Variants in KSR2 observed in about 807,000 individuals in gnomAD.
KSR2 encodes the protein kinase suppressor of ras 2.
A neutral mutation model predicts 107.8 loss-of-function variants in KSR2; 25 were observed. The ratio of observed to expected loss-of-function variants is 0.23; its 90% confidence interval spans 0.17 to 0.32. The LOEUF (loss-of-function observed/expected upper bound fraction) is 0.32. Ranked by LOEUF, KSR2 falls within the 10% of genes least tolerant of loss-of-function variation. The pLI, the probability that KSR2 is intolerant of heterozygous loss-of-function variation, is 1.00. For missense variants in KSR2, 887 were observed against 1,268.9 expected, an observed-to-expected ratio of 0.70 and a Z score of 4.57; for synonymous variants, 480 against 507.0, an observed-to-expected ratio of 0.95 and a Z score of 0.71.
At chr12:117,872,024 G>A (rs1315682532) in intron 1 of KSR2, among the ~76,000 whole-genome samples, 1 of 152,090 alleles carries the variant, frequency 6.6e-6, no homozygotes, top group East Asian at 1.9e-4. Flanking sequence ...TCAGACATTT[G>A]CCAATCATAA....
chr12:117,793,593 ACATACACCAACATGCACACT>A (rs1048279346), intron 3 of KSR2, among the ~76,000 whole-genome samples: 3 of 144,082 alleles, frequency 2.1e-5, no homozygotes, highest in African/African-American at 8.3e-5. Context: ...CAATATGCAC[ACATACACCAACATGCACACT>A]CACACCAACA....
intron 5 of KSR2, among the ~76,000 whole-genome samples, chr12:117,652,343 C>T (rs1446224807): frequency 1.3e-5 from 2 of 152,182 alleles, no homozygotes; most frequent in Non-Finnish European, 2.9e-5. Context: ...AAAAAGAATA[C>T]TCTGACTCAT....
chr12:117,967,672 T>C (rs865922961), intron 1 of KSR2, among the ~76,000 whole-genome samples: 29 of 152,110 alleles, frequency 1.9e-4, no homozygotes, highest in African/African-American at 6.5e-4. Context: ...ACGTGGGTTC[T>C]CTGCAGCTCC....
intron 1 of KSR2, among the ~76,000 whole-genome samples, chr12:117,905,954 A>G (rs1894830497): frequency 6.6e-6 from 1 of 152,092 alleles, no homozygotes; most frequent in Admixed American, 6.6e-5. Flanking sequence ...CATACTAGTT[A>G]ATATTCATTC....
intron 3 of KSR2, among the ~76,000 whole-genome samples, chr12:117,834,569 A>C (rs1259776032): frequency 6.6e-6 from 1 of 152,196 alleles, no homozygotes; most frequent in Non-Finnish European, 1.5e-5. Context: ...GCAACAGGAG[A>C]AGCCCAAACA....
At chr12:117,589,013 A>C (rs548466861) in intron 5 of KSR2, among the ~76,000 whole-genome samples, 1 of 152,246 alleles carries the variant, frequency 6.6e-6, no homozygotes, top group African/African-American at 2.4e-5. Context: ...TAAGGAAAGT[A>C]AGGATAACTA....
At chr12:117,597,297 GA>G (rs1880704181) in intron 5 of KSR2, among the ~76,000 whole-genome samples, 1 of 152,154 alleles carries the variant, frequency 6.6e-6, no homozygotes, top group African/African-American at 2.4e-5. Flanking sequence ...AGGTTTGTGT[GA>G]AAGTAATGGC....
intron 1 of KSR2, among the ~76,000 whole-genome samples, chr12:117,909,105 C>G (rs1894941176): frequency 6.6e-6 from 1 of 152,126 alleles, no homozygotes; most frequent in African/African-American, 2.4e-5. Context: ...GGTCTTTGAA[C>G]TTCAGGGTCC....
intron 7 of KSR2, among the ~76,000 whole-genome samples, chr12:117,577,364 AGAG>A (rs1195440515): frequency 1.4e-5 from 2 of 142,644 alleles, no homozygotes; most frequent in African/African-American, 2.9e-5. Flanking sequence ...GGAGAGAGAG[AGAG>A]GGGGGGAGAG....
At chr12:117,797,852 T>TCTGGAAGTCTCACTGTCTTATAGACAGG (rs1890689581) in intron 3 of KSR2, among the ~76,000 whole-genome samples, 1 of 152,070 alleles carries the variant, frequency 6.6e-6, no homozygotes. Context: ...GGTCTCACTA[T>TCTGGAAGTCTCACTGTCTTATAGACAGG]GTTTCATAGT....
Position 117,714,862 on chromosome 12 carries a change from A to G in KSR2, c.986+46149T>C, listed in dbSNP as rs557579928. 2.6e-5 allele frequency among the ~76,000 whole-genome samples: 4 copies of G among 152,276 alleles called. No homozygotes were observed. The South Asian group carries it at 8.3e-4, about 32-fold the overall frequency. On this transcript the variant is annotated intron_variant, in intron 4 of 19. Transcript: ENST00000339824. ...CACAGGACAGCCACCACCACGAAAA[A>G]TTATGCAGCCCCAAATCTCAGCAGT...
In KSR2 at chr12:117,968,890, GCGCTGC is replaced by G. The variant is rs1896874622; in HGVS notation, c.-641_-636del. On this transcript the variant is annotated 5_prime_UTR_variant, in exon 1 of 20. Coordinates refer to ENST00000339824, the MANE Select transcript of KSR2 (RefSeq NM_173598.6). Reference sequence around the variant, plus strand: ...TGCGGCTGGCTGCTGTCTCCTCCCCGCGCTGCTGCTGCTGCTGCTGCTGCCGCCGCC... The same window carrying G: ...TGCGGCTGGCTGCTGTCTCCTCCCCGTGCTGCTGCTGCTGCTGCCGCCGCC... 7 of 249,866 alleles carry G rather than the reference GCGCTGC, an allele frequency of 2.8e-5. No individual in the cohort carries two copies. Among genetic ancestry groups the G allele is most frequent in the South Asian group, 7.5e-5 (2 of 26,528 alleles). The allele number at this position is 249,866 out of a possible 1,614,324, so 15.5% of individuals were successfully genotyped here. A position where few individuals can be genotyped will look rare whatever the true frequency, so the allele number is the denominator to read the frequency against.
At chr12:117,656,701 T>A (rs1039089292) in intron 5 of KSR2, among the ~76,000 whole-genome samples, 2 of 151,960 alleles carry the variant, frequency 1.3e-5, no homozygotes, top group African/African-American at 4.8e-5. Context: ...CCAGTGAATA[T>A]AAAGCAGGTA....
chr12:117,763,323 C>T (rs549951323), intron 3 of KSR2, among the ~76,000 whole-genome samples: 1 of 117,364 alleles, frequency 8.5e-6, no homozygotes, highest in African/African-American at 3.3e-5. Context: ...CAAGTCTTTG[C>T]TATTAAAAAA....
chr12:117,586,314 C>T (rs971149168), intron 5 of KSR2, among the ~76,000 whole-genome samples: 6 of 152,064 alleles, frequency 3.9e-5, no homozygotes, highest in East Asian at 1.9e-4. Context: ...GGGCCGGGTG[C>T]GGTGACTCAC....
Position 117,860,347 on chromosome 12 carries a change from A to G in KSR2, c.265T>C (p.Phe89Leu). 2 of 1,613,852 alleles carry G rather than the reference A, an allele frequency of 1.2e-6. No homozygotes were observed. Among genetic ancestry groups the G allele is most frequent in the Non-Finnish European group, 1.7e-6 (2 of 1,179,800 alleles). ...LQERNAELDGFPQLRHWFRIV... is the reference protein window; with the variant it reads ...LQERNAELDGLPQLRHWFRIV... ...CGGAACCAGTGCCGTAGCTGGGGGA[A>G]GCCGTCCAGCTCCGCGTTGCGCTCC... Residue 89 changes from phenylalanine (F) to leucine (L), a missense_variant, in exon 2 of 20, where the codon TTC becomes CTC. By Grantham distance (22) the Phe-to-Leu change is conservative. Coordinates refer to ENST00000339824, the MANE Select transcript of KSR2 (RefSeq NM_173598.6).
intron 1 of KSR2, among the ~76,000 whole-genome samples, chr12:117,917,246 A>G (rs1177212160): frequency 6.6e-6 from 1 of 152,264 alleles, no homozygotes; most frequent in Non-Finnish European, 1.5e-5. Context: ...AATATATCTT[A>G]AAGTCTATTC....
intron 3 of KSR2, among the ~76,000 whole-genome samples, chr12:117,845,543 G>A (rs1169312916): frequency 1.3e-5 from 2 of 152,166 alleles, no homozygotes; most frequent in East Asian, 1.9e-4. Flanking sequence ...TAGGCATCAG[G>A]TGAAGGTTTT....
chr12:117,573,888 G>A (rs1050788657), intron 7 of KSR2, among the ~76,000 whole-genome samples: 21 of 152,176 alleles, frequency 1.4e-4, no homozygotes, highest in Admixed American at 5.9e-4. Context: ...GAATTTGCTG[G>A]GGAGATGATG....
Sources: allele counts gnomAD v4.1 joint callset (sites outside exome capture counted in the v4.1 genomes callset), GRCh38; gene constraint gnomAD v4.1.1; transcripts MANE v1.5; gene names NCBI Gene and HGNC (gene_info 2026-07-23, HGNC 2026-07-21).